The following BBS9 variants were observed in gnomAD, a reference collection of about 807,000 sequenced individuals.
BBS9 encodes protein PTHB1.
BBS9 carries 89 observed loss-of-function variants against 117.7 expected under a neutral mutation model. The observed-to-expected ratio is 0.76, with a 90% CI of 0.64 to 0.90. The LOEUF (loss-of-function observed/expected upper bound fraction) is 0.90, where lower values mean the gene tolerates loss of function less well. Ranked by LOEUF, BBS9 falls within the 40% of genes least tolerant of loss-of-function variation. The probability of loss-of-function intolerance (pLI) is 0.00; values close to 1 mark genes in which losing one functional copy is unlikely to be tolerated. For synonymous variants in BBS9, 379 were observed against 370.9 expected (o/e 1.02, Z -0.25); for missense variants, 982 against 1,042.2 (o/e 0.94, Z 0.80).
chr7:33,628,350 C>G (rs1005824329), intron 21 of BBS9, among the ~76,000 whole-genome samples: 1 of 152,180 alleles, frequency 6.6e-6, no homozygotes, highest in African/African-American at 2.4e-5. Context: ...GATAACACAT[C>G]ATAACCAGGT....
rs1228695817 is a variant in BBS9 at position 33,565,837 on chromosome 7, ATACTGCT to A, written c.2521+31664_2521+31670del. Among the ~76,000 whole-genome samples, 12 of 40,536 alleles carry A rather than the reference ATACTGCT, an allele frequency of 3.0e-4. No individual in the cohort carries two copies. In the African/African-American group the frequency reaches 3.2e-3, roughly 11 times the overall value. 26.6% of individuals were successfully genotyped at this position (40,536 alleles called of 152,430 possible). On this transcript the variant is annotated intron_variant, in intron 21 of 22. Transcript: ENST00000242067. ...TATATATATATATATACCGCTATAT[ATACTGCT>A]TATATATATATATATATATATATAT... is the stretch of plus-strand genomic sequence containing the variant.
At chr7:33,220,069 G>A (rs543434171) in intron 5 of BBS9, among the ~76,000 whole-genome samples, 17 of 152,270 alleles carry the variant, frequency 1.1e-4, no homozygotes, top group Admixed American at 6.5e-4. Context: ...GCGAGGGTCC[G>A]TGGCTTCATT....
rs192003566 is a variant in BBS9, at chr7:33,408,531, G to A, written c.2115+20387G>A. On this transcript the variant is annotated intron_variant, in intron 19 of 22. Coordinates refer to ENST00000242067, the MANE Select transcript of BBS9 (RefSeq NM_198428.3). ...GCAGAAATCACCTGTCTTCTGCGTC[G>A]CTCACGCTGGGAGCTGTAGACTGGA... Among the ~76,000 whole-genome samples, 1,178 of 152,252 alleles carry A rather than the reference G, an allele frequency of 7.7e-3. 7 individuals are homozygous for A. The highest frequency in any genetic ancestry group is 0.012 in the Non-Finnish European group (841 of 68,018).
chr7:33,202,334 T>C (rs1432932869), intron 5 of BBS9, among the ~76,000 whole-genome samples: 3 of 152,208 alleles, frequency 2.0e-5, no homozygotes, highest in African/African-American at 7.2e-5. Context: ...ATGAGCATTT[T>C]AACCAGTGTT....
intron 21 of BBS9, among the ~76,000 whole-genome samples, chr7:33,583,991 A>G (rs1397207734): frequency 6.6e-6 from 1 of 151,994 alleles, no homozygotes; most frequent in East Asian, 1.9e-4. Context: ...TATTATTTCT[A>G]TAATTATTAT....
At chr7:33,349,910 T>G (rs1818316985) in intron 13 of BBS9, among the ~76,000 whole-genome samples, 1 of 152,202 alleles carries the variant, frequency 6.6e-6, no homozygotes, top group African/African-American at 2.4e-5. Flanking sequence ...AGTAATCACT[T>G]GGAGCCTCAT....
At chr7:33,517,865 T>C (rs55819002) in intron 20 of BBS9, among the ~76,000 whole-genome samples, 4,100 of 152,262 alleles carry the variant, frequency 0.027, 186 homozygotes, top group African/African-American at 0.092. Flanking sequence ...TCATACTGAA[T>C]TTTTACTCTT....
At chr7:33,225,404 G>T (rs1240917110) in intron 5 of BBS9, among the ~76,000 whole-genome samples, 1 of 152,044 alleles carries the variant, frequency 6.6e-6, no homozygotes, top group East Asian at 1.9e-4. Flanking sequence ...TTGCTATGTT[G>T]CCCAGGCTGG....
intron 19 of BBS9, among the ~76,000 whole-genome samples, chr7:33,433,173 AT>A (rs1584808182): frequency 6.6e-6 from 1 of 152,158 alleles, no homozygotes; most frequent in East Asian, 1.9e-4. Flanking sequence ...ATGGCATATA[AT>A]TTTATACTAA....
chr7:33,482,055 G>T (rs567444855), intron 19 of BBS9, among the ~76,000 whole-genome samples: 49 of 152,274 alleles, frequency 3.2e-4, no homozygotes, highest in African/African-American at 1.1e-3. Flanking sequence ...ATCGGGTAAA[G>T]ATTGGAGTAA....
chr7:33,350,565 C>T (rs1308949532), intron 13 of BBS9, among the ~76,000 whole-genome samples: 2 of 152,158 alleles, frequency 1.3e-5, no homozygotes, highest in East Asian at 1.9e-4. Context: ...ATGTTCTACC[C>T]ATGATAAATT....
intron 21 of BBS9, among the ~76,000 whole-genome samples, chr7:33,545,676 G>A (rs1853198146): frequency 6.6e-6 from 1 of 152,084 alleles, no homozygotes; most frequent in Non-Finnish European, 1.5e-5. Flanking sequence ...TCTGTCCGGA[G>A]CTGCAATCTA....
chr7:33,385,820 G>A (rs995989556), intron 18 of BBS9, among the ~76,000 whole-genome samples: 1 of 151,328 alleles, frequency 6.6e-6, no homozygotes, highest in Non-Finnish European at 1.5e-5. Context: ...TGATAATTAG[G>A]TTAATGTTCT....
At chr7:33,418,413 G>A (rs902498445) in intron 19 of BBS9, among the ~76,000 whole-genome samples, 1 of 152,194 alleles carries the variant, frequency 6.6e-6, no homozygotes, top group African/African-American at 2.4e-5. Flanking sequence ...GTGTTTGGCA[G>A]GGTGACTTCT....
intron 9 of BBS9, among the ~76,000 whole-genome samples, chr7:33,295,824 G>T (rs967029310): frequency 1.3e-5 from 2 of 151,852 alleles, no homozygotes; most frequent in African/African-American, 4.8e-5. Context: ...GGAATTTTTG[G>T]TCAACAGTGA....
chr7:33,629,302 A>T (rs1220350899), intron 21 of BBS9, among the ~76,000 whole-genome samples: 1 of 152,190 alleles, frequency 6.6e-6, no homozygotes, highest in Non-Finnish European at 1.5e-5. Context: ...TAAATCCTGC[A>T]TGGGGGGGTT....
intron 9 of BBS9, among the ~76,000 whole-genome samples, chr7:33,303,520 C>CCG (rs1806957236): frequency 6.2e-5 from 4 of 64,058 alleles, no homozygotes; most frequent in South Asian, 6.7e-4. Flanking sequence ...GAAATGATCC[C>CCG]CTCCCCCCGC....
At chr7:33,478,437 G>C (rs752200781) in intron 19 of BBS9, among the ~76,000 whole-genome samples, 4 of 152,118 alleles carry the variant, frequency 2.6e-5, no homozygotes, top group Non-Finnish European at 4.4e-5. Flanking sequence ...TGTGGAATTG[G>C]CATGGCCATG....
At chr7:33,151,575 A>G (rs1035356353) in intron 2 of BBS9, among the ~76,000 whole-genome samples, 5 of 151,264 alleles carry the variant, frequency 3.3e-5, no homozygotes, top group African/African-American at 1.2e-4. Flanking sequence ...CTTGAGATGG[A>G]GTCTTGCTGT....
Sources: allele counts gnomAD v4.1 joint callset (sites outside exome capture counted in the v4.1 genomes callset), GRCh38; gene constraint gnomAD v4.1.1; transcripts MANE v1.5; gene names NCBI Gene and HGNC (gene_info 2026-07-23, HGNC 2026-07-21).